Variants in MPHOSPH9 observed in about 807,000 individuals in gnomAD.
MPHOSPH9 encodes the protein M-phase phosphoprotein 9.
A neutral mutation model predicts 145.5 loss-of-function variants in MPHOSPH9; 88 were observed. The observed-to-expected ratio is 0.60, with a 90% CI of 0.51 to 0.72. MPHOSPH9 has a LOEUF of 0.72. MPHOSPH9 is among the 30% of genes least tolerant of loss of function. The pLI, the probability that MPHOSPH9 is intolerant of heterozygous loss-of-function variation, is 0.00. For synonymous variants in MPHOSPH9, 435 were observed against 486.2 expected (o/e 0.89, Z 1.39); for missense variants, 1,238 against 1,386.6 (o/e 0.89, Z 1.70).
intron 21 of MPHOSPH9, 59 bp downstream of exon 21, chr12:123,162,056 C>T: frequency 8.9e-7 from 1 of 1,120,582 alleles, no homozygotes; most frequent in Non-Finnish European, 1.3e-6. Context: ...CTGAGAGATA[C>T]CAGAATCTCA....
At chr12:123,198,425 A>G in intron 11 of MPHOSPH9, 91 bp from the exon 12 acceptor site, 3 of 1,006,418 alleles carry the variant, frequency 3.0e-6, no homozygotes, top group South Asian at 1.5e-5. Context: ...AATATATAAC[A>G]TAAGACAAAT....
At chr12:123,220,804 C>T (rs1213799463) in intron 5 of MPHOSPH9, among the ~76,000 whole-genome samples, 3 of 152,082 alleles carry the variant, frequency 2.0e-5, no homozygotes, top group Admixed American at 1.3e-4. Context: ...ACCTGTAATC[C>T]CAGCACTTTG....
chr12:123,177,193 T>C (rs190946442), intron 15 of MPHOSPH9, among the ~76,000 whole-genome samples: 13 of 146,166 alleles, frequency 8.9e-5, no homozygotes, highest in African/African-American at 3.3e-4. Context: ...AAAAAAAGAG[T>C]TGCAAGTCCA....
chr12:123,194,234 A>C (rs1261240478), intron 13 of MPHOSPH9, 152 bp downstream of exon 13: 9 of 560,336 alleles, frequency 1.6e-5, no homozygotes, highest in Non-Finnish European at 2.4e-5. Flanking sequence ...CTGCCACTGC[A>C]CTCCAGCCTG....
At chr12:123,193,202 A>T (rs2045790678) in intron 13 of MPHOSPH9, among the ~76,000 whole-genome samples, 1 of 150,742 alleles carries the variant, frequency 6.6e-6, no homozygotes, top group South Asian at 2.1e-4. Context: ...CAAATGGTGT[A>T]AGAAAGCCAC....
chr12:123,221,954 G>A (rs1357368886), intron 4 of MPHOSPH9, 59 bp from the exon 5 acceptor site: 1 of 864,604 alleles, frequency 1.2e-6, no homozygotes, highest in African/African-American at 1.7e-5. Flanking sequence ...ATATTTTTAT[G>A]ACTGTTACAA....
At chr12:123,198,129 C>T in intron 12 of MPHOSPH9, 118 bp downstream of exon 12, 1 of 751,144 alleles carries the variant, frequency 1.3e-6, no homozygotes, top group Non-Finnish European at 2.2e-6. Context: ...ATGAAGCCAA[C>T]AGCACTAAAA....
chr12:123,157,040 G>A lies in MPHOSPH9; in HGVS notation c.3451-132C>T, dbSNP rs556917240. 2.0e-4 allele frequency: 113 copies of A among 551,486 alleles called. 1 individual carries two copies. In the East Asian group the frequency reaches 2.1e-3, roughly 10 times the overall value. The allele number at this position is 551,486 out of a possible 1,614,324, so 34.2% of individuals were successfully genotyped here. A position where few individuals can be genotyped will look rare whatever the true frequency, so the allele number is the denominator to read the frequency against. Reference sequence around the variant, plus strand: ...ATTACAATTATTTTGCTTTCTACACGAAACATCTTATGATTTCTTTTAAAC... The same window carrying A: ...ATTACAATTATTTTGCTTTCTACACAAAACATCTTATGATTTCTTTTAAAC... On this transcript the variant is annotated intron_variant, in intron 23 of 23. Coordinates refer to ENST00000606320, the MANE Select transcript of MPHOSPH9 (RefSeq NM_022782.4).
intron 1 of MPHOSPH9, among the ~76,000 whole-genome samples, chr12:123,232,184 C>T (rs974687100): frequency 6.6e-6 from 1 of 151,738 alleles, no homozygotes; most frequent in African/African-American, 2.4e-5. Context: ...CAGGAAAACA[C>T]AAGCTCTCCA....
intron 13 of MPHOSPH9, among the ~76,000 whole-genome samples, chr12:123,192,947 C>T (rs1212348636): frequency 6.6e-6 from 1 of 151,162 alleles, no homozygotes; most frequent in East Asian, 1.9e-4. Context: ...TGGCACGCGC[C>T]TGTACTCCCA....
At chr12:123,169,601 C>T (rs1025589448) in intron 16 of MPHOSPH9, among the ~76,000 whole-genome samples, 1 of 151,894 alleles carries the variant, frequency 6.6e-6, no homozygotes, top group Non-Finnish European at 1.5e-5. Flanking sequence ...TAAGATCTTG[C>T]CAATTTTTTT....
intron 1 of MPHOSPH9, among the ~76,000 whole-genome samples, chr12:123,238,306 G>C (rs1307559719): frequency 6.6e-6 from 1 of 152,150 alleles, no homozygotes; most frequent in Admixed American, 6.5e-5. Flanking sequence ...TTTCAAAGCA[G>C]CAACATTGCA....
Position 123,166,717 on chromosome 12 carries a change from G to A in MPHOSPH9, c.2529C>T (p.Gly843=). 2 of 1,614,078 alleles carry A rather than the reference G, an allele frequency of 1.2e-6. No homozygotes were observed. The highest frequency in any genetic ancestry group is 1.7e-6 in the Non-Finnish European group (2 of 1,180,020). ...IPGAEYSIFT[G]QPLDTQDSNV... ...TACTGTCCTGGGTGTCCAGAGGCTG[G>A]CCAGTAAAGATGGAATACTCTGCAC... Residue 843 remains glycine, a synonymous_variant, in exon 17 of 24, where the codon GGC becomes GGT. Transcript: ENST00000606320.
At chr12:123,157,039 C>T (rs934172543) in intron 23 of MPHOSPH9, 131 bp from the exon 24 acceptor site, 6 of 550,898 alleles carry the variant, frequency 1.1e-5, no homozygotes, top group Middle Eastern at 4.8e-4. Flanking sequence ...GCTTTCTACA[C>T]GAAACATCTT....
At position 123,155,481 on chromosome 12, in the gene MPHOSPH9, AT is replaced by A. The variant is rs1336312386; in HGVS notation, c.*1325del. 2 of 152,226 alleles carry A rather than the reference AT, an allele frequency of 1.3e-5. No homozygotes were observed. The highest frequency in any genetic ancestry group is 2.4e-5 in the African/African-American group (1 of 41,462). The allele number at this position is 152,226 out of a possible 1,614,324, so 9.4% of individuals were successfully genotyped here. ...GCTTGGTTCATTCTAACTACTTATT[AT>A]TAAGAGCCACATAAAGAGGAAAAGC... On this transcript the variant is annotated 3_prime_UTR_variant, in exon 24 of 24. Transcript: ENST00000606320.
chr12:123,221,283 A>T, intron 5 of MPHOSPH9, 89 bp downstream of exon 5: 1 of 1,066,784 alleles, frequency 9.4e-7, no homozygotes, highest in Non-Finnish European at 1.3e-6. Flanking sequence ...TAAATGTTCA[A>T]ATACATCTCA....
chr12:123,243,268 C>T (rs1379498065), intron 1 of MPHOSPH9, among the ~76,000 whole-genome samples: 2 of 151,552 alleles, frequency 1.3e-5, no homozygotes, highest in African/African-American at 4.9e-5. Flanking sequence ...CAATGGCTCA[C>T]GCCTGTAATC....
intron 22 of MPHOSPH9, 109 bp from the exon 23 acceptor site, chr12:123,160,958 C>A (rs745953347): frequency 5.2e-6 from 7 of 1,357,546 alleles, no homozygotes; most frequent in Admixed American, 4.2e-5. Context: ...TTCATCTCAA[C>A]TTAATTTCCC....
At chr12:123,178,558 C>T (rs1372420427) in intron 15 of MPHOSPH9, among the ~76,000 whole-genome samples, 1 of 152,092 alleles carries the variant, frequency 6.6e-6, no homozygotes, top group Non-Finnish European at 1.5e-5. Context: ...GAGTCTTGCT[C>T]TGTCACCCAG....
Sources: gnomAD v4.1 joint callset for allele counts (sites outside exome capture counted in the v4.1 genomes callset) on GRCh38, gnomAD v4.1.1 for gene constraint, MANE v1.5 for transcripts, NCBI Gene and HGNC (gene_info 2026-07-23, HGNC 2026-07-21) for gene names.